Variants in ITGAE observed in about 807,000 individuals in gnomAD.
ITGAE encodes the protein integrin subunit alpha E.
A neutral mutation model predicts 136.5 loss-of-function variants in ITGAE; 99 were observed. The observed-to-expected ratio is 0.73, with a 90% CI of 0.62 to 0.86. The LOEUF (loss-of-function observed/expected upper bound fraction) is 0.86, where lower values mean the gene tolerates loss of function less well. ITGAE is among the 40% of genes least tolerant of loss of function. ITGAE has a pLI of 0.00. For missense variants in ITGAE, 1,447 were observed against 1,515.3 expected (o/e 0.95, Z 0.75); for synonymous variants, 613 against 591.8 (o/e 1.04, Z -0.52).
At chr17:3,740,754 G>T (rs2051566209) in intron 19 of ITGAE, among the ~76,000 whole-genome samples, 1 of 152,162 alleles carries the variant, frequency 6.6e-6, no homozygotes, top group Non-Finnish European at 1.5e-5. Flanking sequence ...ATTTCAAAAG[G>T]CCCCATGGAG....
chr17:3,716,441 C>G (rs1426963818), intron 30 of ITGAE, among the ~76,000 whole-genome samples: 1 of 152,184 alleles, frequency 6.6e-6, no homozygotes, highest in African/African-American at 2.4e-5. Context: ...AGTTCTGGGC[C>G]TTGAGAATAG....
intron 26 of ITGAE, chr17:3,726,355 G>T (rs772423161): frequency 6.6e-7 from 1 of 1,507,980 alleles, no homozygotes; most frequent in Non-Finnish European, 9.1e-7. Context: ...TTACTGCCCC[G>T]AAATGAGAGG....
chr17:3,734,847 G>A lies in ITGAE; in HGVS notation c.2625C>T (p.Pro875=), dbSNP rs1475449251. 1.9e-6 allele frequency: 3 copies of A among 1,614,028 alleles called. No homozygotes were observed. Among genetic ancestry groups the A allele is most frequent in the East Asian group, 2.2e-5 (1 of 44,896 alleles). Residue 875 remains proline, a synonymous_variant, in exon 21 of 31, where the codon CCC becomes CCT. Coordinates refer to ENST00000263087, the MANE Select transcript of ITGAE (RefSeq NM_002208.5). ...GCATCCTCTTCAACTGCAGGTTTCT[G>A]GGGTAATTCAAGGCCATGCTTGTCA... ...SYMTSMALNY[P]RNLQLKRMQK...
At chr17:3,794,914 G>A (rs1468525321) in intron 1 of ITGAE, among the ~76,000 whole-genome samples, 4 of 151,770 alleles carry the variant, frequency 2.6e-5, no homozygotes, top group Non-Finnish European at 5.9e-5. Flanking sequence ...TCCTCTCCTG[G>A]GCGTCCGTGG....
At chr17:3,723,523 A>C in intron 27 of ITGAE, 140 bp from the exon 28 acceptor site, 1 of 985,234 alleles carries the variant, frequency 1.0e-6, no homozygotes, top group Non-Finnish European at 1.6e-6. Context: ...GGCCCAAGCG[A>C]AGCTCCAGCG....
At chr17:3,764,499 C>A (rs71366575) in intron 2 of ITGAE, among the ~76,000 whole-genome samples, 1 of 152,116 alleles carries the variant, frequency 6.6e-6, no homozygotes, top group African/African-American at 2.4e-5. Flanking sequence ...GACTTTGAGA[C>A]CAGCCTGATC....
At chr17:3,792,717 A>C (rs767831697) in intron 1 of ITGAE, among the ~76,000 whole-genome samples, 1 of 152,220 alleles carries the variant, frequency 6.6e-6, no homozygotes, top group Non-Finnish European at 1.5e-5. Context: ...TGGCTTAATA[A>C]AATCATTTGT....
At chr17:3,732,008 G>A (rs200303992) in intron 22 of ITGAE, among the ~76,000 whole-genome samples, 10 of 152,042 alleles carry the variant, frequency 6.6e-5, no homozygotes, top group East Asian at 3.9e-4. Context: ...CCCGGGAGGC[G>A]GAGGTTGCAG....
chr17:3,744,742 C>T (rs1244761098), intron 18 of ITGAE, among the ~76,000 whole-genome samples: 1 of 152,158 alleles, frequency 6.6e-6, no homozygotes, highest in Non-Finnish European at 1.5e-5. Flanking sequence ...AGCCACTGCG[C>T]CCAACCAACC....
rs1462491741 is a variant in ITGAE at position 3,782,295 on chromosome 17, A to AC, written c.35-4636_35-4635insG. ...GCCTCAAAAAAAAAAAAAAAAAAAA[A>AC]AAAAAAGCATGGTCTGACCATGCCA... On this transcript the variant is annotated intron_variant, in intron 1 of 30. Coordinates refer to ENST00000263087, the MANE Select transcript of ITGAE (RefSeq NM_002208.5). Among the ~76,000 whole-genome samples the AC allele has an allele frequency of 1.2e-3, 174 of 146,806 alleles. 8 individuals carry two copies. In the East Asian group the frequency reaches 0.021, roughly 18 times the overall value.
intron 26 of ITGAE, chr17:3,726,065 G>C: frequency 6.2e-7 from 1 of 1,614,180 alleles, no homozygotes; most frequent in Non-Finnish European, 8.5e-7. Flanking sequence ...ATGAGGACCT[G>C]TTTACCGGTG....
At chr17:3,751,627 A>C (rs2051869544) in intron 15 of ITGAE, 23 bp downstream of exon 15, 1 of 1,601,280 alleles carries the variant, frequency 6.2e-7, no homozygotes, top group African/African-American at 1.3e-5. Context: ...AGAGGAGAGG[A>C]AGGAGAGGGC....
Position 3,750,335 on chromosome 17 carries a change from G to A in ITGAE, c.2024+17C>T. ...GAGGCTGGGCCTGGGACCCCAGAAA[G>A]CAGGACAGAACCCTACCGGAACACA... On this transcript the variant is annotated intron_variant, in intron 16 of 30. Transcript: ENST00000263087. The A allele has an allele frequency of 6.2e-7, 1 of 1,613,410 alleles. No homozygotes were observed. Among genetic ancestry groups the A allele is most frequent in the Non-Finnish European group, 8.5e-7 (1 of 1,179,764 alleles).
At chr17:3,740,546 T>C (rs533111292) in intron 19 of ITGAE, among the ~76,000 whole-genome samples, 2 of 152,294 alleles carry the variant, frequency 1.3e-5, no homozygotes, top group South Asian at 4.1e-4. Context: ...CTGGCTAACT[T>C]TGTATTTTTA....
chr17:3,766,822 T>C (rs1436006036), intron 2 of ITGAE, among the ~76,000 whole-genome samples: 1 of 147,282 alleles, frequency 6.8e-6, no homozygotes, highest in East Asian at 2.0e-4. Context: ...ATAATAATAA[T>C]AATAATAATA....
intron 1 of ITGAE, among the ~76,000 whole-genome samples, chr17:3,794,099 C>T (rs898369389): frequency 4.0e-5 from 6 of 151,342 alleles, no homozygotes; most frequent in Admixed American, 2.0e-4. Context: ...CTGCCTAAGC[C>T]TCCCAAGTAG....
chr17:3,791,506 C>G lies in ITGAE; in HGVS notation c.34+9605G>C, dbSNP rs1230966518. Among the ~76,000 whole-genome samples the G allele has an allele frequency of 2.0e-5, 3 of 152,108 alleles. No homozygotes were observed. In the East Asian group the frequency reaches 5.8e-4, roughly 29 times the overall value. On this transcript the variant is annotated intron_variant, in intron 1 of 30. Coordinates refer to ENST00000263087, the MANE Select transcript of ITGAE (RefSeq NM_002208.5). ...CCATGTTGGCCAGGCTGATTTCAAA[C>G]TCCTGACCTCAGGTGATCCACCAGC...
chr17:3,716,844 A>G (rs2293881), intron 29 of ITGAE, 46 bp from the exon 30 acceptor site: 672,979 of 1,094,034 alleles, frequency 0.62, 212,828 homozygotes, highest in Middle Eastern at 0.78. Flanking sequence ...TGAAGCAAAC[A>G]AGGAAAAAAT....
At chr17:3,756,945 T>TC (rs377716211) in intron 10 of ITGAE, 39 bp downstream of exon 10, 1 of 1,584,114 alleles carries the variant, frequency 6.3e-7, no homozygotes. Context: ...GAGCATAGGC[T>TC]CGGGCCTCCT....
Sources: allele counts gnomAD v4.1 joint callset (sites outside exome capture counted in the v4.1 genomes callset), GRCh38; gene constraint gnomAD v4.1.1; transcripts MANE v1.5; gene names NCBI Gene and HGNC (gene_info 2026-07-23, HGNC 2026-07-21).